The following DOCK3 variants were observed in gnomAD, a reference collection of about 807,000 sequenced individuals.
DOCK3 encodes the protein dedicator of cytokinesis 3.
DOCK3 carries 60 observed loss-of-function variants against 265.6 expected under a neutral mutation model. The ratio of observed to expected loss-of-function variants is 0.23; its 90% CI spans 0.18 to 0.28. The LOEUF (loss-of-function observed/expected upper bound fraction) is 0.28. Ranked by LOEUF, DOCK3 falls within the 10% of genes least tolerant of loss-of-function variation. The probability of loss-of-function intolerance (pLI) is 1.00; values close to 1 mark genes in which losing one functional copy is unlikely to be tolerated. For missense variants in DOCK3, 1,981 were observed against 2,594.3 expected (o/e 0.76, Z 5.14); for synonymous variants, 881 against 938.0 (o/e 0.94, Z 1.11).
At chr3:50,892,051 T>A (rs2048668629) in intron 4 of DOCK3, among the ~76,000 whole-genome samples, 1 of 152,058 alleles carries the variant, frequency 6.6e-6, no homozygotes, top group Non-Finnish European at 1.5e-5. Context: ...AAATGTCCAA[T>A]AAGTTGATGG....
rs181201704 is a variant in DOCK3, at chr3:50,991,540, T to C, written c.315+57463T>C. On this transcript the variant is annotated intron_variant, in intron 5 of 52. Coordinates refer to ENST00000266037, the MANE Select transcript of DOCK3 (RefSeq NM_004947.5). ...GTTCAATTCGACAAGAAGACTTAAT[T>C]ATCTTAAATATATATGCACCCAGCA... 2.3e-4 allele frequency among the ~76,000 whole-genome samples: 35 copies of C among 152,318 alleles called. No homozygotes were observed. The East Asian group carries it at 5.0e-3, about 22-fold the overall frequency.
intron 3 of DOCK3, among the ~76,000 whole-genome samples, chr3:50,849,389 T>C (rs1029300414): frequency 8.0e-5 from 12 of 150,720 alleles, no homozygotes; most frequent in Admixed American, 1.3e-4. Flanking sequence ...TACACATATA[T>C]ACACACACAC....
intron 32 of DOCK3, among the ~76,000 whole-genome samples, chr3:51,318,344 T>C (rs1242284748): frequency 1.3e-5 from 2 of 152,060 alleles, no homozygotes; most frequent in South Asian, 2.1e-4. Flanking sequence ...GCACCACTGC[T>C]CACCAGTCTG....
At chr3:50,935,324 C>T (rs1313145473) in intron 5 of DOCK3, among the ~76,000 whole-genome samples, 4 of 152,202 alleles carry the variant, frequency 2.6e-5, no homozygotes, top group Non-Finnish European at 5.9e-5. Context: ...ACATCCTCCC[C>T]CTCCTACAGT....
At chr3:51,277,096 G>C (rs970719140) in intron 25 of DOCK3, among the ~76,000 whole-genome samples, 1 of 152,114 alleles carries the variant, frequency 6.6e-6, no homozygotes, top group African/African-American at 2.4e-5. Flanking sequence ...AAAATTGAGG[G>C]CACCCAAGGG....
intron 12 of DOCK3, among the ~76,000 whole-genome samples, chr3:51,205,323 G>C (rs1203161514): frequency 1.3e-5 from 2 of 152,058 alleles, no homozygotes; most frequent in Admixed American, 1.3e-4. Context: ...GCTGCTAAAA[G>C]AATGGAAGAG....
intron 5 of DOCK3, among the ~76,000 whole-genome samples, chr3:50,938,641 C>A (rs973909897): frequency 5.3e-5 from 8 of 151,816 alleles, no homozygotes; most frequent in Admixed American, 1.3e-4. Context: ...GAAAAATTAA[C>A]CCACTACTAA....
intron 5 of DOCK3, among the ~76,000 whole-genome samples, chr3:51,035,192 CTCTT>C (rs1373061072): frequency 6.6e-6 from 1 of 152,050 alleles, no homozygotes; most frequent in Non-Finnish European, 1.5e-5. Flanking sequence ...GCCTCATTCT[CTCTT>C]TGTCTTTTTC....
chr3:51,321,986 A>T (rs1195053034), intron 32 of DOCK3, among the ~76,000 whole-genome samples: 1 of 152,194 alleles, frequency 6.6e-6, no homozygotes, highest in Non-Finnish European at 1.5e-5. Flanking sequence ...GAATGCCACA[A>T]ATATACTCCT....
rs913644031 is a variant in DOCK3, at chr3:51,278,060, T to C, written c.2823+306T>C. 8 of 985,204 alleles carry C rather than the reference T, an allele frequency of 8.1e-6. No individual in the cohort carries two copies. In the Admixed American group the frequency reaches 4.9e-4, roughly 61 times the overall value. 61.0% of individuals were successfully genotyped at this position (985,204 alleles called of 1,614,324 possible). A position where few individuals can be genotyped will look rare whatever the true frequency, so the allele number is the denominator to read the frequency against. ...ATGAAGCTGGGATGTATGTAAGATG[T>C]AGTAAGAGGTTGAAGGTGAAAAACA... On this transcript the variant is annotated intron_variant, in intron 26 of 52. Transcript: ENST00000266037.
intron 1 of DOCK3, among the ~76,000 whole-genome samples, chr3:50,700,672 C>CTA (rs2035980750): frequency 1.8e-5 from 1 of 54,610 alleles, no homozygotes. Context: ...TTATCTTTAT[C>CTA]CATATCCATT....
Position 51,008,496 on chromosome 3 carries a change from C to G in DOCK3, c.316-55952C>G, listed in dbSNP as rs569807166. Among the ~76,000 whole-genome samples the G allele has an allele frequency of 2.6e-5, 4 of 152,058 alleles. No individual in the cohort carries two copies. The South Asian group carries it at 8.3e-4, about 32-fold the overall frequency. ...TCGATTTTGTATCCTGATACTTTGCCAAAGTTGCTTATCAGCTTAAGGAGA... is the reference window on the plus strand; with the variant it reads ...TCGATTTTGTATCCTGATACTTTGCGAAAGTTGCTTATCAGCTTAAGGAGA... On this transcript the variant is annotated intron_variant, in intron 5 of 52. Transcript: ENST00000266037.
At chr3:51,009,392 A>G (rs1040199083) in intron 5 of DOCK3, among the ~76,000 whole-genome samples, 15 of 152,206 alleles carry the variant, frequency 9.9e-5, no homozygotes, top group Admixed American at 9.8e-4. Flanking sequence ...TAGATTTTCT[A>G]GTTTATTTTT....
chr3:50,710,200 A>C (rs2044184668), intron 1 of DOCK3, among the ~76,000 whole-genome samples: 1 of 152,230 alleles, frequency 6.6e-6, no homozygotes, highest in Admixed American at 6.5e-5. Flanking sequence ...TTTGTACAGC[A>C]AAAGAAATAA....
chr3:50,761,780 A>G (rs1390971292), intron 1 of DOCK3, among the ~76,000 whole-genome samples: 6 of 152,200 alleles, frequency 3.9e-5, no homozygotes, highest in Non-Finnish European at 8.8e-5. Context: ...AGGATTATAA[A>G]TCATGCTGCT....
At chr3:50,764,821 C>G (rs996713721) in intron 1 of DOCK3, among the ~76,000 whole-genome samples, 1 of 152,082 alleles carries the variant, frequency 6.6e-6, no homozygotes, top group Non-Finnish European at 1.5e-5. Context: ...AGTGTATCTT[C>G]TTCCTAATAT....
chr3:51,267,215 T>G (rs1005725623), intron 23 of DOCK3, among the ~76,000 whole-genome samples: 2 of 152,136 alleles, frequency 1.3e-5, no homozygotes, highest in East Asian at 3.8e-4. Context: ...TTTACACTGT[T>G]GGTGGAAGTG....
chr3:51,322,996 A>G (rs554503861), intron 32 of DOCK3, among the ~76,000 whole-genome samples: 1 of 152,200 alleles, frequency 6.6e-6, no homozygotes, highest in African/African-American at 2.4e-5. Context: ...AGGGGTTGCA[A>G]TCCTAGTATC....
intron 27 of DOCK3, among the ~76,000 whole-genome samples, chr3:51,286,939 A>G (rs1251187214): frequency 2.0e-5 from 3 of 152,250 alleles, no homozygotes; most frequent in Admixed American, 1.3e-4. Context: ...CAAAGACACC[A>G]AAAGCAATTT....
Sources: allele counts gnomAD v4.1 joint callset (sites outside exome capture counted in the v4.1 genomes callset), GRCh38; gene constraint gnomAD v4.1.1; transcripts MANE v1.5; gene names NCBI Gene and HGNC (gene_info 2026-07-23, HGNC 2026-07-21).